Variants in CTNNA3 observed in about 807,000 individuals in gnomAD.
CTNNA3 encodes catenin alpha 3.
CTNNA3 carries 76 observed loss-of-function variants against 95.7 expected under a neutral mutation model. That is an observed-to-expected ratio of 0.79 (90% confidence interval 0.66 to 0.96). CTNNA3 has a LOEUF of 0.96. CTNNA3 is among the 40% of genes least tolerant of loss of function. CTNNA3 has a pLI of 0.00. For missense variants in CTNNA3, 1,191 were observed against 1,089.8 expected, an observed-to-expected ratio of 1.09 and a Z score of -1.31; for synonymous variants, 431 against 374.4, an observed-to-expected ratio of 1.15 and a Z score of -1.74.
intron 7 of CTNNA3, among the ~76,000 whole-genome samples, chr10:66,981,450 C>A (rs1252640850): frequency 6.6e-6 from 1 of 152,174 alleles, no homozygotes; most frequent in Non-Finnish European, 1.5e-5. Context: ...ACTTACCCAT[C>A]CCCATTTCCA....
intron 7 of CTNNA3, among the ~76,000 whole-genome samples, chr10:67,059,100 T>A (rs1282468293): frequency 1.3e-5 from 2 of 152,198 alleles, no homozygotes; most frequent in Non-Finnish European, 2.9e-5. Flanking sequence ...GTCTTGAGAA[T>A]CTAATCCTTT....
chr10:66,753,995 A>C (rs1393744538), intron 9 of CTNNA3, among the ~76,000 whole-genome samples: 1 of 152,168 alleles, frequency 6.6e-6, no homozygotes, highest in Non-Finnish European at 1.5e-5. Context: ...CCCTATCAAG[A>C]TTTCAGATTG....
intron 13 of CTNNA3, among the ~76,000 whole-genome samples, chr10:66,277,222 TA>T (rs2091417014): frequency 6.6e-6 from 1 of 152,132 alleles, no homozygotes; most frequent in Non-Finnish European, 1.5e-5. Flanking sequence ...CATATTTTTA[TA>T]AAACCCTATA....
At chr10:67,271,217 A>G (rs1304975441) in intron 5 of CTNNA3, among the ~76,000 whole-genome samples, 1 of 152,156 alleles carries the variant, frequency 6.6e-6, no homozygotes, top group East Asian at 1.9e-4. Context: ...GTTCCCACCC[A>G]AATCTCATTT....
At chr10:66,758,148 T>C (rs1175255867) in intron 9 of CTNNA3, among the ~76,000 whole-genome samples, 1 of 152,156 alleles carries the variant, frequency 6.6e-6, no homozygotes, top group African/African-American at 2.4e-5. Flanking sequence ...ATTACCTACA[T>C]GTATGAAACA....
intron 15 of CTNNA3, among the ~76,000 whole-genome samples, chr10:66,054,213 T>C (rs2080025204): frequency 6.6e-6 from 1 of 152,202 alleles, no homozygotes; most frequent in Non-Finnish European, 1.5e-5. Context: ...CTCCTTGATA[T>C]GCTGATTTCC....
At chr10:67,509,200 T>G (rs1159559055) in intron 5 of CTNNA3, among the ~76,000 whole-genome samples, 10 of 152,022 alleles carry the variant, frequency 6.6e-5, no homozygotes. Flanking sequence ...TCTTTTTTTT[T>G]TTTTTAAATC....
At chr10:66,681,414 G>C (rs913305196) in intron 9 of CTNNA3, among the ~76,000 whole-genome samples, 1 of 152,086 alleles carries the variant, frequency 6.6e-6, no homozygotes, top group African/African-American at 2.4e-5. Flanking sequence ...TTCAAAATAG[G>C]AGGGTATATT....
Position 66,520,713 on chromosome 10 carries a change from T to A in CTNNA3, c.1435A>T (p.Met479Leu), listed in dbSNP as rs771182445. 1 of 1,612,650 alleles carries A rather than the reference T, an allele frequency of 6.2e-7. No homozygotes were observed. Among genetic ancestry groups the A allele is most frequent in the Non-Finnish European group, 8.5e-7 (1 of 1,179,338 alleles). The change falls in exon 11 of 18, where the codon ATG becomes TTG. Residue 479 changes from methionine (M) to leucine (L), a missense_variant. Coordinates refer to ENST00000433211, the MANE Select transcript of CTNNA3 (RefSeq NM_013266.4). ...TCCCATGTACGCTTGTACATTTCCA[T>A]GGTGTTTTTGACCGCTTGACTTTTG... ...RPKSQAVKNT[M>L]EMYKRTWENH...
rs60547696 is a variant in CTNNA3 at position 66,487,181 on chromosome 10, A to ATTTTTTTTTTTTT, written c.1531+33423_1531+33435dup. 4.3e-5 allele frequency among the ~76,000 whole-genome samples: 2 copies of ATTTTTTTTTTTTT among 45,986 alleles called. 1 individual carries two copies. The highest frequency in any genetic ancestry group is 1.8e-4 in the African/African-American group (2 of 11,114). 30.2% of individuals were successfully genotyped at this position (45,986 alleles called of 152,430 possible). A position where few individuals can be genotyped will look rare whatever the true frequency, so the allele number is the denominator to read the frequency against. On this transcript the variant is annotated intron_variant, in intron 11 of 17. Transcript: ENST00000433211. ...TACTTGAAATTTAATAAAAGGGCAG[A>ATTTTTTTTTTTTT]TTTTTTTTTTTTTTTTTTTTTTTTT...
At chr10:67,358,008 A>G (rs925474231) in intron 5 of CTNNA3, among the ~76,000 whole-genome samples, 2 of 152,122 alleles carry the variant, frequency 1.3e-5, no homozygotes, top group African/African-American at 2.4e-5. Flanking sequence ...TTAATTTTCA[A>G]CAAAAGAGCA....
At chr10:67,292,385 T>C (rs1379530669) in intron 5 of CTNNA3, among the ~76,000 whole-genome samples, 1 of 152,110 alleles carries the variant, frequency 6.6e-6, no homozygotes, top group Non-Finnish European at 1.5e-5. Flanking sequence ...TTCTGAGACC[T>C]TCATTTTGAG....
chr10:66,359,080 A>G (rs1331912936), intron 12 of CTNNA3, among the ~76,000 whole-genome samples: 1 of 152,200 alleles, frequency 6.6e-6, no homozygotes, highest in Non-Finnish European at 1.5e-5. Flanking sequence ...CAGCAAGTAA[A>G]TATCAAATCA....
At chr10:66,071,862 T>C (rs1404546011) in intron 14 of CTNNA3, among the ~76,000 whole-genome samples, 1 of 152,200 alleles carries the variant, frequency 6.6e-6, no homozygotes, top group Non-Finnish European at 1.5e-5. Context: ...CAGAACTCTA[T>C]TTATAATATT....
chr10:67,657,704 G>A (rs187250565), intron 1 of CTNNA3, among the ~76,000 whole-genome samples: 209 of 151,856 alleles, frequency 1.4e-3, no homozygotes, highest in African/African-American at 4.2e-3. Flanking sequence ...AATATTAGCC[G>A]GGAATTGTGG....
At chr10:66,904,761 CT>C (rs1001123348) in intron 7 of CTNNA3, among the ~76,000 whole-genome samples, 2 of 152,130 alleles carry the variant, frequency 1.3e-5, no homozygotes, top group Non-Finnish European at 2.9e-5. Flanking sequence ...CCAACACACA[CT>C]TGAAAAGATG....
At chr10:67,319,616 C>G (rs767641237) in intron 5 of CTNNA3, among the ~76,000 whole-genome samples, 2 of 152,082 alleles carry the variant, frequency 1.3e-5, no homozygotes, top group Non-Finnish European at 2.9e-5. Flanking sequence ...TAAGCAATGG[C>G]CAGGTGCAGT....
chr10:67,084,167 T>C (rs1857187103), intron 7 of CTNNA3, among the ~76,000 whole-genome samples: 1 of 152,148 alleles, frequency 6.6e-6, no homozygotes, highest in African/African-American at 2.4e-5. Context: ...GGTATTCATA[T>C]ATTCAGAATA....
chr10:66,597,175 T>C (rs1369845033), intron 10 of CTNNA3, among the ~76,000 whole-genome samples: 1 of 151,964 alleles, frequency 6.6e-6, no homozygotes, highest in Non-Finnish European at 1.5e-5. Flanking sequence ...ATGGGAATTA[T>C]GGGATTCCAT....
Sources: gnomAD v4.1 joint callset for allele counts (sites outside exome capture counted in the v4.1 genomes callset) on GRCh38, gnomAD v4.1.1 for gene constraint, MANE v1.5 for transcripts, NCBI Gene and HGNC (gene_info 2026-07-23, HGNC 2026-07-21) for gene names.